The following KCNIP1 variants were observed in gnomAD, a reference collection of about 807,000 sequenced individuals.
The protein encoded by KCNIP1 is potassium voltage-gated channel interacting protein 1.
A neutral mutation model predicts 33.0 loss-of-function variants in KCNIP1; 18 were observed. That is an observed-to-expected ratio of 0.55 (90% CI 0.38 to 0.81). KCNIP1 has a LOEUF of 0.81. Among genes scored for constraint, KCNIP1 ranks in the 30% least tolerant of loss-of-function variants. The pLI is 0.00. For missense variants in KCNIP1, 238 were observed against 271.6 expected (o/e 0.88, Z 0.87); for synonymous variants, 93 against 98.3 (o/e 0.95, Z 0.32).
chr5:170,675,803 C>T (rs941466576), intron 1 of KCNIP1, among the ~76,000 whole-genome samples: 1 of 152,274 alleles, frequency 6.6e-6, no homozygotes, highest in Admixed American at 6.5e-5. Flanking sequence ...AGAAATAATG[C>T]TGTATCCTAA....
At chr5:170,386,021 G>A (rs555979528) in intron 1 of KCNIP1, among the ~76,000 whole-genome samples, 2 of 151,960 alleles carry the variant, frequency 1.3e-5, no homozygotes, top group South Asian at 4.1e-4. Context: ...AGCTACAGGG[G>A]AGGCTGAGGC....
intron 1 of KCNIP1, among the ~76,000 whole-genome samples, chr5:170,546,175 G>A (rs1313371636): frequency 1.3e-5 from 2 of 152,218 alleles, no homozygotes; most frequent in Non-Finnish European, 2.9e-5. Flanking sequence ...CTAAAAGCCT[G>A]AAGAGATTCA....
In KCNIP1 at chr5:170,473,202, T is replaced by C. The variant is rs113000920; in HGVS notation, c.88+119238T>C. Among the ~76,000 whole-genome samples the C allele has an allele frequency of 2.6e-3, 393 of 150,060 alleles. 1 individual carries two copies. Among genetic ancestry groups the C allele is most frequent in the Non-Finnish European group, 4.7e-3 (322 of 68,032 alleles). On this transcript the variant is annotated intron_variant, in intron 1 of 7. Coordinates refer to the KCNIP1 transcript ENST00000377360. ...ATTAGTGATGTTGAGCATTTTTTCA[T>C]ATGTTTCTTAGCCATTTGTATATCT... is the stretch of plus-strand genomic sequence containing the variant.
rs924327758 is a variant in KCNIP1, at chr5:170,498,975, C to T, written c.88+145011C>T. Among the ~76,000 whole-genome samples the T allele has an allele frequency of 1.4e-4, 22 of 152,048 alleles. 1 individual carries two copies. Among genetic ancestry groups the T allele is most frequent in the Admixed American group, 1.2e-3 (19 of 15,278 alleles). On this transcript the variant is annotated intron_variant, in intron 1 of 7. Coordinates refer to the KCNIP1 transcript ENST00000377360. ...GATCTCAGTTTGAGTATTTGTAGCA[C>T]ACTTAGGATGTTCTGGGCCAGGCTG...
At chr5:170,408,113 A>C (rs1755085243) in intron 1 of KCNIP1, among the ~76,000 whole-genome samples, 1 of 152,216 alleles carries the variant, frequency 6.6e-6, no homozygotes, top group African/African-American at 2.4e-5. Flanking sequence ...ATAAAACTCA[A>C]ATGCTAGCTG....
intron 1 of KCNIP1, among the ~76,000 whole-genome samples, chr5:170,477,203 T>G (rs1319316244): frequency 6.6e-6 from 1 of 152,034 alleles, no homozygotes; most frequent in Non-Finnish European, 1.5e-5. Context: ...TCCTATATGT[T>G]ACTTGGACCT....
intron 1 of KCNIP1, among the ~76,000 whole-genome samples, chr5:170,354,605 AG>A: frequency 6.6e-6 from 1 of 152,218 alleles, no homozygotes; most frequent in East Asian, 1.9e-4. Flanking sequence ...CTGGGGTGGC[AG>A]GTGGTTTGCA....
intron 1 of KCNIP1, among the ~76,000 whole-genome samples, chr5:170,549,665 G>T (rs1011551676): frequency 2.0e-4 from 31 of 152,188 alleles, no homozygotes; most frequent in African/African-American, 7.0e-4. Flanking sequence ...AGTCCTTTAT[G>T]TTGAAATATG....
intron 1 of KCNIP1, among the ~76,000 whole-genome samples, chr5:170,658,857 G>A (rs1761368185): frequency 1.3e-5 from 2 of 152,206 alleles, no homozygotes; most frequent in Non-Finnish European, 2.9e-5. Flanking sequence ...TGTTTTCCAC[G>A]ATGGGTCTGA....
At chr5:170,496,855 C>G (rs1226883695) in intron 1 of KCNIP1, among the ~76,000 whole-genome samples, 1 of 152,172 alleles carries the variant, frequency 6.6e-6, no homozygotes, top group Non-Finnish European at 1.5e-5. Flanking sequence ...TCAAGTCTCA[C>G]TTCCACTCCT....
intron 1 of KCNIP1, among the ~76,000 whole-genome samples, chr5:170,566,124 G>A (rs901265791): frequency 1.6e-4 from 25 of 151,562 alleles, no homozygotes; most frequent in African/African-American, 6.1e-4. Flanking sequence ...TGCCTCCCGG[G>A]TTCAAGCGAT....
chr5:170,483,040 C>T, intron 1 of KCNIP1: 1 of 451,498 alleles, frequency 2.2e-6, no homozygotes, highest in Non-Finnish European at 4.4e-6. Flanking sequence ...GCCTTTCTTC[C>T]CTTTTGTTTC....
chr5:170,512,324 G>T (rs1333161539), intron 1 of KCNIP1, among the ~76,000 whole-genome samples: 2 of 152,158 alleles, frequency 1.3e-5, no homozygotes. Flanking sequence ...TTTACAAGTG[G>T]TTATCACTGC....
At chr5:170,634,541 A>C (rs1435005963) in intron 1 of KCNIP1, among the ~76,000 whole-genome samples, 1 of 152,236 alleles carries the variant, frequency 6.6e-6, no homozygotes, top group African/African-American at 2.4e-5. Flanking sequence ...AGATCCTGGC[A>C]AGAGATAGAA....
chr5:170,507,979 G>A (rs1347117605), intron 1 of KCNIP1, among the ~76,000 whole-genome samples: 1 of 152,200 alleles, frequency 6.6e-6, no homozygotes, highest in Non-Finnish European at 1.5e-5. Flanking sequence ...GACACACCAA[G>A]GACACTGCTC....
intron 1 of KCNIP1, among the ~76,000 whole-genome samples, chr5:170,418,592 A>T (rs1755394479): frequency 6.6e-6 from 1 of 152,050 alleles, no homozygotes; most frequent in Non-Finnish European, 1.5e-5. Flanking sequence ...CCAGTCCCCT[A>T]CTCAAAACTG....
At position 170,576,829 on chromosome 5, in the gene KCNIP1, G is replaced by T. The variant is rs190940848; in HGVS notation, c.61+72196G>T. On this transcript the variant is annotated intron_variant, in intron 1 of 7. Coordinates refer to ENST00000328939, the MANE Select transcript of KCNIP1 (RefSeq NM_014592.4). ...CTGACTCAAAATGGCATTCTTCTTGGCTGCCCCCTTTGAAGTATTTCTGCT... is the reference window on the plus strand; with the variant it reads ...CTGACTCAAAATGGCATTCTTCTTGTCTGCCCCCTTTGAAGTATTTCTGCT... Among the ~76,000 whole-genome samples the T allele has an allele frequency of 2.6e-5, 4 of 152,252 alleles. No individual in the cohort carries two copies. The East Asian group carries it at 7.7e-4, about 29-fold the overall frequency.
intron 1 of KCNIP1, among the ~76,000 whole-genome samples, chr5:170,671,359 G>A (rs1344050503): frequency 1.3e-5 from 2 of 152,206 alleles, no homozygotes; most frequent in Non-Finnish European, 1.5e-5. Context: ...GGCCCCCACA[G>A]CCCTCAGAAC....
At chr5:170,680,123 A>G (rs1762281098) in intron 1 of KCNIP1, among the ~76,000 whole-genome samples, 1 of 152,180 alleles carries the variant, frequency 6.6e-6, no homozygotes, top group Non-Finnish European at 1.5e-5. Flanking sequence ...CCCACACTTT[A>G]CACAGGTTCT....
Sources: gnomAD v4.1 joint callset for allele counts (sites outside exome capture counted in the v4.1 genomes callset) on GRCh38, gnomAD v4.1.1 for gene constraint, MANE v1.5 for transcripts, NCBI Gene and HGNC (gene_info 2026-07-23, HGNC 2026-07-21) for gene names.